The following RRP7A variants were observed in gnomAD, a reference collection of about 807,000 sequenced individuals.
RRP7A encodes the protein ribosomal RNA processing 7 homolog A.
A neutral mutation model predicts 38.4 loss-of-function variants in RRP7A; 27 were observed. The observed-to-expected ratio is 0.70, with a 90% confidence interval of 0.52 to 0.97. The LOEUF (loss-of-function observed/expected upper bound fraction) is 0.97. Ranked by LOEUF, RRP7A falls within the 50% of genes least tolerant of loss-of-function variation. The pLI is 0.00. For synonymous variants in RRP7A, 124 were observed against 150.3 expected, an observed-to-expected ratio of 0.83 and a Z score of 1.28; for missense variants, 327 against 375.4, an observed-to-expected ratio of 0.87 and a Z score of 1.07.
At chr22:42,514,882 G>A (rs866825903) in intron 4 of RRP7A, 103 bp from the exon 5 acceptor site, 43 of 972,740 alleles carry the variant, frequency 4.4e-5, no homozygotes, top group Middle Eastern at 6.0e-4. Flanking sequence ...CACAGGGCCC[G>A]GGGCACAGGT....
rs544273095 is a variant in RRP7A, at chr22:42,512,019, G to A, written c.*891C>T. On this transcript the variant is annotated 3_prime_UTR_variant, in exon 7 of 7. Coordinates refer to ENST00000323013, the MANE Select transcript of RRP7A (RefSeq NM_015703.5). ...CTGTGGGAGGCGCTCCTGACCTGCAGGGAGCTGGAATGCTGTGGGAGGGCC... is the reference window on the plus strand; with the variant it reads ...CTGTGGGAGGCGCTCCTGACCTGCAAGGAGCTGGAATGCTGTGGGAGGGCC... 83 of 786,318 alleles carry A rather than the reference G, an allele frequency of 1.1e-4. 2 individuals are homozygous for A. In the South Asian group the frequency reaches 1.2e-3, roughly 12 times the overall value. The allele number at this position is 786,318 out of a possible 1,614,324, so 48.7% of individuals were successfully genotyped here. A position where few individuals can be genotyped will look rare whatever the true frequency, so the allele number is the denominator to read the frequency against.
At chr22:42,517,295 A>T (rs549378722) in intron 2 of RRP7A, among the ~76,000 whole-genome samples, 56 of 145,132 alleles carry the variant, frequency 3.9e-4, no homozygotes, top group Non-Finnish European at 8.2e-4. Context: ...TAAATTAAAT[A>T]AATAAATAAA....
chr22:42,517,397 C>T (rs1414310486), intron 2 of RRP7A, among the ~76,000 whole-genome samples: 1 of 146,796 alleles, frequency 6.8e-6, no homozygotes, highest in Non-Finnish European at 1.5e-5. Context: ...GAATTAGAGG[C>T]ACTTTTTATT....
rs1255360783 is a variant in RRP7A, at chr22:42,514,700, A to G, written c.540T>C (p.Tyr180=). 4 of 1,609,456 alleles carry G rather than the reference A, an allele frequency of 2.5e-6. No homozygotes were observed. Among genetic ancestry groups the G allele is most frequent in the Non-Finnish European group, 1.7e-6 (2 of 1,176,672 alleles). Residue 180 remains tyrosine, a synonymous_variant, in exon 5 of 7, where the codon TAT becomes TAC. Transcript: ENST00000323013. ...RVEVDTFMEA[Y]DQKIAEEEAK... ...CCTCTACCTCAGCGATCTTCTGGTC[A>G]TATGCCTCCATGAACGTGTCCACTT... is the stretch of plus-strand genomic sequence containing the variant.
In RRP7A at chr22:42,511,964, C is replaced by T. The variant is rs1932478549; in HGVS notation, c.*946G>A. The T allele has an allele frequency of 1.4e-6, 1 of 690,220 alleles. No homozygotes were observed. Among genetic ancestry groups the T allele is most frequent in the African/African-American group, 1.8e-5 (1 of 56,178 alleles). 42.8% of individuals were successfully genotyped at this position (690,220 alleles called of 1,614,324 possible). A position where few individuals can be genotyped will look rare whatever the true frequency, so the allele number is the denominator to read the frequency against. On this transcript the variant is annotated 3_prime_UTR_variant, in exon 7 of 7. Transcript: ENST00000323013. ...CCTGGGGTGCTATGGACTGTCGGGG[C>T]TCCAAGGAGCCGAGTGTGGGGGAAA... is the stretch of plus-strand genomic sequence containing the variant.
chr22:42,519,608 C>T, intron 1 of RRP7A, 106 bp downstream of exon 1: 9 of 1,014,288 alleles, frequency 8.9e-6, no homozygotes, highest in South Asian at 2.1e-5. Flanking sequence ...CCGGGGCTCA[C>T]ACCCAACCGT....
chr22:42,519,416 A>T (rs1920941206), intron 1 of RRP7A, among the ~76,000 whole-genome samples: 1 of 152,208 alleles, frequency 6.6e-6, no homozygotes, highest in African/African-American at 2.4e-5. Flanking sequence ...GCTCACCTGG[A>T]CGAGCGGGTG....
rs1932420039 is a variant in RRP7A at position 42,510,426 on chromosome 22, T to C, written c.*2484A>G. 4 of 267,732 alleles carry C rather than the reference T, an allele frequency of 1.5e-5. No homozygotes were observed. In the South Asian group the frequency reaches 3.4e-4, roughly 23 times the overall value. The allele number at this position is 267,732 out of a possible 1,614,324, so 16.6% of individuals were successfully genotyped here. A position where few individuals can be genotyped will look rare whatever the true frequency, so the allele number is the denominator to read the frequency against. ...GCAAGGCTGTGCCTTCAGCACTTGC[T>C]TGCGCCTGGCTTGTGCCAGCTGAGC... On this transcript the variant is annotated 3_prime_UTR_variant, in exon 7 of 7. Coordinates refer to ENST00000323013, the MANE Select transcript of RRP7A (RefSeq NM_015703.5).
At chr22:42,516,753 G>GCGGGGGTT (rs1434806292) in intron 2 of RRP7A, among the ~76,000 whole-genome samples, 5 of 152,282 alleles carry the variant, frequency 3.3e-5, no homozygotes, top group South Asian at 4.1e-4. Flanking sequence ...GGTGGAGGCA[G>GCGGGGGTT]CGGGGGTTCT....
rs552539923 is a variant in RRP7A, at chr22:42,516,221, G to A, written c.217-85C>T. ...TGCACCATGGGTGGCGCTGCCAGGGGTCCAGCGCCGCTGAAGGACTCAGCC... is the reference window on the plus strand; with the variant it reads ...TGCACCATGGGTGGCGCTGCCAGGGATCCAGCGCCGCTGAAGGACTCAGCC... On this transcript the variant is annotated intron_variant, in intron 2 of 6. Coordinates refer to ENST00000323013, the MANE Select transcript of RRP7A (RefSeq NM_015703.5). The A allele has an allele frequency of 6.4e-6, 10 of 1,555,342 alleles. No individual in the cohort carries two copies. In the African/African-American group the frequency reaches 8.1e-5, roughly 13 times the overall value.
rs935184664 is a variant in RRP7A, at chr22:42,516,052, T to C, written c.301A>G (p.Lys101Glu). ...TGAAAAAACTTCGACCTTGACTCCT[T>C]TGGGCTCTCAGCCAGGTCCGGCTTC... ...QEKPDLAESP[K>E]ESRSKFFHPK... Residue 101 changes from lysine to glutamate, a missense_variant, in exon 3 of 7, where the codon AAG becomes GAG. This residue lies in a region of RRP7A where 183 missense variants were observed against 141.8 expected (regional missense o/e 1.29). Transcript: ENST00000323013. 2 of 1,612,050 alleles carry C rather than the reference T, an allele frequency of 1.2e-6. No homozygotes were observed. Among genetic ancestry groups the C allele is most frequent in the African/African-American group, 1.3e-5 (1 of 74,856 alleles).
Position 42,509,077 on chromosome 22 carries a change from T to C in RRP7A, c.*3833A>G. 1 of 1,613,810 alleles carries C rather than the reference T, an allele frequency of 6.2e-7. No homozygotes were observed. The highest frequency in any genetic ancestry group is 8.5e-7 in the Non-Finnish European group (1 of 1,179,696). ...AGCAGGGAGCTGTGTGCGCATTCCA[T>C]CAGGAAGCTGCAGGCCCATGTCCTG... is the stretch of plus-strand genomic sequence containing the variant. On this transcript the variant is annotated 3_prime_UTR_variant, in exon 7 of 7. Transcript: ENST00000323013.
chr22:42,512,685 C>G lies in RRP7A; in HGVS notation c.*225G>C. On this transcript the variant is annotated 3_prime_UTR_variant, in exon 7 of 7. Coordinates refer to ENST00000323013, the MANE Select transcript of RRP7A (RefSeq NM_015703.5). ...AGGCAAGAAGCAGGAAGGACAAGTC[C>G]TCCTCTCGGCACGCCTGGGTCCCCA... 1 of 606,524 alleles carries G rather than the reference C, an allele frequency of 1.6e-6. No individual in the cohort carries two copies. The highest frequency in any genetic ancestry group is 2.9e-6 in the Non-Finnish European group (1 of 339,742). The allele number at this position is 606,524 out of a possible 1,614,324, so 37.6% of individuals were successfully genotyped here. A position where few individuals can be genotyped will look rare whatever the true frequency, so the allele number is the denominator to read the frequency against.
rs1402987237 is a variant in RRP7A, at chr22:42,513,352, C to G, written c.758-357G>C. Among the ~76,000 whole-genome samples the G allele has an allele frequency of 2.5e-3, 275 of 110,162 alleles. 1 individual carries two copies. Among genetic ancestry groups the G allele is most frequent in the African/African-American group, 9.0e-3 (270 of 29,962 alleles). 72.3% of individuals were successfully genotyped at this position (110,162 alleles called of 152,430 possible). A position where few individuals can be genotyped will look rare whatever the true frequency, so the allele number is the denominator to read the frequency against. Reference sequence around the variant, plus strand: ...GAACCCTGAGAATCAGTAAAGGCACCCCAGCCCTTGTGCTGGTGAATGCAG... The same window carrying G: ...GAACCCTGAGAATCAGTAAAGGCACGCCAGCCCTTGTGCTGGTGAATGCAG... On this transcript the variant is annotated intron_variant, in intron 6 of 6. Transcript: ENST00000323013.
In RRP7A at chr22:42,508,529, G is replaced by C. The variant is rs1932341299; in HGVS notation, c.*4381C>G. Among the ~76,000 whole-genome samples, 1 of 152,284 alleles carries C rather than the reference G, an allele frequency of 6.6e-6. No individual in the cohort carries two copies. Among genetic ancestry groups the C allele is most frequent in the East Asian group, 1.9e-4 (1 of 5,182 alleles). On this transcript the variant is annotated 3_prime_UTR_variant, in exon 7 of 7. Coordinates refer to ENST00000323013, the MANE Select transcript of RRP7A (RefSeq NM_015703.5). ...AAACAGTCACAAGACAGGGCAGGCA[G>C]GGCCGCGGAGGAGGCTGGCTGGGGC...
At position 42,509,227 on chromosome 22, in the gene RRP7A, A is replaced by G; in HGVS notation, c.*3683T>C. 6.5e-7 allele frequency: 1 copy of G among 1,539,348 alleles called. No individual in the cohort carries two copies. Among genetic ancestry groups the G allele is most frequent in the East Asian group, 2.4e-5 (1 of 41,444 alleles). ...TCTCTGCGTGTCGACCACATCGCTA[A>G]GACTCAAGATCTTTTTTGGGAAGCC... On this transcript the variant is annotated 3_prime_UTR_variant, in exon 7 of 7. Coordinates refer to ENST00000323013, the MANE Select transcript of RRP7A (RefSeq NM_015703.5).
rs1371991836 is a variant in RRP7A at position 42,512,912 on chromosome 22, A to C, written c.841T>G (p.Ter281GlyextTer25). 3.1e-6 allele frequency: 5 copies of C among 1,613,098 alleles called. No homozygotes were observed. Among genetic ancestry groups the C allele is most frequent in the Non-Finnish European group, 4.2e-6 (5 of 1,179,388 alleles). The change falls in exon 7 of 7, where the codon TGA (stop) becomes GGA (glycine). Residue 281 changes from the stop codon to glycine, a stop_lost. Coordinates refer to ENST00000323013, the MANE Select transcript of RRP7A (RefSeq NM_015703.5). ...LRAQRKFRPY[*>G] ...CCATTCACTGCGGCTCTCACAGCTC[A>C]GTACGGTCGGAATTTGCGCTGGGCC...
rs1569257545 is a variant in RRP7A, at chr22:42,509,226, A to G, written c.*3684T>C. 2 of 1,537,808 alleles carry G rather than the reference A, an allele frequency of 1.3e-6. No individual in the cohort carries two copies. Among genetic ancestry groups the G allele is most frequent in the Non-Finnish European group, 1.8e-6 (2 of 1,138,224 alleles). On this transcript the variant is annotated 3_prime_UTR_variant, in exon 7 of 7. Coordinates refer to ENST00000323013, the MANE Select transcript of RRP7A (RefSeq NM_015703.5). Reference sequence around the variant, plus strand: ...TTCTCTGCGTGTCGACCACATCGCTAAGACTCAAGATCTTTTTTGGGAAGC... The same window carrying G: ...TTCTCTGCGTGTCGACCACATCGCTGAGACTCAAGATCTTTTTTGGGAAGC...
At chr22:42,517,341 G>GT (rs1402951000) in intron 2 of RRP7A, among the ~76,000 whole-genome samples, 2 of 69,368 alleles carry the variant, frequency 2.9e-5, no homozygotes, top group South Asian at 4.7e-4. Context: ...CTTAGTTTTT[G>GT]TAAAAAAAAA....
Sources: allele counts gnomAD v4.1 joint callset (sites outside exome capture counted in the v4.1 genomes callset), GRCh38; gene constraint gnomAD v4.1.1; regional missense constraint gnomAD v4.1.1; transcripts MANE v1.5; gene names NCBI Gene and HGNC (gene_info 2026-07-23, HGNC 2026-07-21).